The following MTMR10 variants were observed in gnomAD, a reference collection of about 807,000 sequenced individuals.
MTMR10 encodes the protein myotubularin related protein 10.
In MTMR10, 56 loss-of-function variants were observed where a neutral mutation model predicts 88.1. The ratio of observed to expected loss-of-function variants is 0.64; its 90% CI spans 0.51 to 0.79. The LOEUF (loss-of-function observed/expected upper bound fraction) is 0.79. MTMR10 is among the 30% of genes least tolerant of loss of function. The pLI is 0.00. For missense variants in MTMR10, 883 were observed against 924.7 expected (o/e 0.95, Z 0.58); for synonymous variants, 380 against 340.9 (o/e 1.11, Z -1.26).
chr15:30,941,593 G>A lies in MTMR10; in HGVS notation c.2211C>T (p.Ser737=). 2 of 1,599,886 alleles carry A rather than the reference G, an allele frequency of 1.3e-6. No individual in the cohort carries two copies. The highest frequency in any genetic ancestry group is 1.3e-5 in the African/African-American group (1 of 74,768). ...TCCCTACAGGAGAAAATGGAAATGA[G>A]GAGGAGAGAAACTCCGGTGTCCCCG... ...DTSGTPEFLS[S]SFPFSPVGNL... is the part of the protein sequence containing the mutation. Residue 737 remains serine, a synonymous_variant, in exon 16 of 16, where the codon TCC becomes TCT. Transcript: ENST00000435680.
chr15:30,946,966 G>C (rs1459138523), intron 14 of MTMR10, 164 bp downstream of exon 14: 1 of 924,326 alleles, frequency 1.1e-6, no homozygotes. Flanking sequence ...TAATTTCCTA[G>C]ATTTTTGTGT....
In MTMR10 at chr15:30,945,048, A is replaced by C. The variant is rs372404580; in HGVS notation, c.1549-1976T>G. Among the ~76,000 whole-genome samples, 11 of 152,178 alleles carry C rather than the reference A, an allele frequency of 7.2e-5. No homozygotes were observed. The East Asian group carries it at 2.1e-3, about 29-fold the overall frequency. On this transcript the variant is annotated intron_variant, in intron 14 of 15. Transcript: ENST00000435680. The stretch of plus-strand genomic sequence containing the variant: ...AAGATGTTCTCTTTTTTAAAAGGTA[A>C]AAATTAAAAATATTTATCCCAAGAG...
chr15:30,932,221 CA>C, the MTMR10 span, among the ~76,000 whole-genome samples: 7,938 of 49,404 alleles, frequency 0.16, 129 homozygotes, highest in African/African-American at 0.27. Flanking sequence ...GACTCCATCT[CA>C]AAAAAAAAAA....
chr15:30,957,480 C>T (rs147580688), intron 9 of MTMR10, among the ~76,000 whole-genome samples: 6,727 of 152,200 alleles, frequency 0.044, 183 homozygotes, highest in South Asian at 0.11. Flanking sequence ...CCCAGCACTT[C>T]GGTAGGCCGA....
intron 2 of MTMR10, among the ~76,000 whole-genome samples, chr15:30,989,406 T>C (rs2031160638): frequency 6.6e-6 from 1 of 152,194 alleles, no homozygotes; most frequent in Non-Finnish European, 1.5e-5. Context: ...AACTTTCATA[T>C]GGAACCAAAG....
At chr15:30,954,448 T>C (rs2063293536) in intron 10 of MTMR10, among the ~76,000 whole-genome samples, 1 of 152,226 alleles carries the variant, frequency 6.6e-6, no homozygotes, top group Non-Finnish European at 1.5e-5. Flanking sequence ...TATTACAATC[T>C]TAATAAGTTT....
At chr15:30,953,498 C>G in intron 11 of MTMR10, 64 bp downstream of exon 11, 1 of 1,261,624 alleles carries the variant, frequency 7.9e-7, no homozygotes, top group Non-Finnish European at 1.1e-6. Context: ...TTTTGTACCT[C>G]CAGTGAGTCT....
the MTMR10 span, among the ~76,000 whole-genome samples, chr15:30,924,031 A>G: frequency 6.6e-6 from 1 of 152,148 alleles, no homozygotes; most frequent in South Asian, 2.1e-4. Flanking sequence ...ACGACGTCTC[A>G]TCTACTTTTT....
chr15:30,941,244 A>C lies in MTMR10; in HGVS notation c.*226T>G. On this transcript the variant is annotated 3_prime_UTR_variant, in exon 16 of 16. Transcript: ENST00000435680. The stretch of plus-strand genomic sequence containing the variant: ...CATGAACAGTTTGATCACGGTTACA[A>C]GAGCCAGACCTGTAATGACAGAAAG... 1 of 1,445,234 alleles carries C rather than the reference A, an allele frequency of 6.9e-7. No homozygotes were observed. The highest frequency in any genetic ancestry group is 9.2e-7 in the Non-Finnish European group (1 of 1,090,356). 89.5% of individuals were successfully genotyped at this position (1,445,234 alleles called of 1,614,324 possible). A position where few individuals can be genotyped will look rare whatever the true frequency, so the allele number is the denominator to read the frequency against.
Position 30,941,957 on chromosome 15 carries a change from G to C in MTMR10, c.1847C>G (p.Pro616Arg). Residue 616 changes from proline to arginine, a missense_variant, in exon 16 of 16, where the codon CCA (proline) becomes CGA (arginine). By Grantham distance (103) the Pro-to-Arg change is moderately radical. Transcript: ENST00000435680. ...GTTCTGGCTGTCGGTTTGCTGAGCTGGATCTGGCTTTGGTTTTAATATCAA... is the reference window on the plus strand; with the variant it reads ...GTTCTGGCTGTCGGTTTGCTGAGCTCGATCTGGCTTTGGTTTTAATATCAA... The part of the protein sequence containing the change: ...NSLILKPKPD[P>R]AQQTDSQNSD... 1 of 1,614,004 alleles carries C rather than the reference G, an allele frequency of 6.2e-7. No individual in the cohort carries two copies. Among genetic ancestry groups the C allele is most frequent in the Non-Finnish European group, 8.5e-7 (1 of 1,179,892 alleles).
chr15:30,940,581 G>T lies in MTMR10; in HGVS notation c.*889C>A. 1 of 985,444 alleles carries T rather than the reference G, an allele frequency of 1.0e-6. No individual in the cohort carries two copies. Among genetic ancestry groups the T allele is most frequent in the Non-Finnish European group, 1.2e-6 (1 of 830,004 alleles). The allele number at this position is 985,444 out of a possible 1,614,324, so 61.0% of individuals were successfully genotyped here. On this transcript the variant is annotated 3_prime_UTR_variant, in exon 16 of 16. Coordinates refer to ENST00000435680, the MANE Select transcript of MTMR10 (RefSeq NM_017762.3). ...GCACGCCTCCCAGCAAGCCTTGTTT[G>T]TTTTTGAGGGCGAGTTTTGGCATAG...
intron 13 of MTMR10, among the ~76,000 whole-genome samples, 180 bp downstream of exon 13, chr15:30,948,122 T>C (rs1217034461): frequency 6.6e-6 from 1 of 152,238 alleles, no homozygotes; most frequent in Non-Finnish European, 1.5e-5. Flanking sequence ...CCTTCATAGT[T>C]ACGATAATCT....
At chr15:30,932,221 C>CAAAA in the MTMR10 span, among the ~76,000 whole-genome samples, 13 of 49,458 alleles carry the variant, frequency 2.6e-4, no homozygotes, top group East Asian at 1.3e-3. Context: ...GACTCCATCT[C>CAAAA]AAAAAAAAAA....
At chr15:30,966,741 C>T (rs1367617815) in intron 6 of MTMR10, among the ~76,000 whole-genome samples, 2 of 151,642 alleles carry the variant, frequency 1.3e-5, no homozygotes, top group African/African-American at 2.4e-5. Flanking sequence ...ATGTATATAT[C>T]GATAAGAAAA....
chr15:30,929,212 CT>C, the MTMR10 span: 1 of 1,612,076 alleles, frequency 6.2e-7, no homozygotes, highest in Non-Finnish European at 8.5e-7. Flanking sequence ...GGCATTCCCC[CT>C]GGACTTGTGC....
chr15:30,973,795 CAGTTAAAA>C (rs2029897494), intron 5 of MTMR10, among the ~76,000 whole-genome samples: 1 of 152,136 alleles, frequency 6.6e-6, no homozygotes, highest in Non-Finnish European at 1.5e-5. Context: ...AAAAATAAGG[CAGTTAAAA>C]AGTTACTAGC....
At chr15:30,973,399 C>G (rs1054693517) in intron 5 of MTMR10, among the ~76,000 whole-genome samples, 1 of 152,052 alleles carries the variant, frequency 6.6e-6, no homozygotes, top group Non-Finnish European at 1.5e-5. Context: ...AATCTAAAAA[C>G]AAATCTACCA....
At chr15:30,924,918 C>T in the MTMR10 span, among the ~76,000 whole-genome samples, 8 of 152,220 alleles carry the variant, frequency 5.3e-5, no homozygotes, top group African/African-American at 1.2e-4. Context: ...CGCTCCAGCA[C>T]GTTGACTGTG....
In MTMR10 at chr15:30,958,916, A is replaced by G. The variant is rs1425226352; in HGVS notation, c.882T>C (p.Leu294=). The G allele has an allele frequency of 1.2e-6, 2 of 1,614,010 alleles. No homozygotes were observed. Among genetic ancestry groups the G allele is most frequent in the East Asian group, 2.2e-5 (1 of 44,884 alleles). Residue 294 remains leucine, a synonymous_variant, in exon 9 of 16, where the codon CTT becomes CTC. Coordinates refer to ENST00000435680, the MANE Select transcript of MTMR10 (RefSeq NM_017762.3). Reference sequence around the variant, plus strand: ...CGTCTTTGATGAGGGCCATTCGCACAAGAGCACTGCCGTTAGAGTGGCTCC... The same window carrying G: ...CGTCTTTGATGAGGGCCATTCGCACGAGAGCACTGCCGTTAGAGTGGCTCC... The part of the protein sequence containing the change: ...WCWSHSNGSA[L]VRMALIKDVL...
Sources: allele counts gnomAD v4.1 joint callset (sites outside exome capture counted in the v4.1 genomes callset), GRCh38; gene constraint gnomAD v4.1.1; transcripts MANE v1.5; gene names NCBI Gene and HGNC (gene_info 2026-07-23, HGNC 2026-07-21).